The following AUH variants were observed in gnomAD, a reference collection of about 807,000 sequenced individuals.
The protein encoded by AUH is methylglutaconyl-CoA hydratase, mitochondrial.
AUH carries 29 observed loss-of-function variants against 42.3 expected under a neutral mutation model. The observed-to-expected ratio is 0.69, with a 90% CI of 0.51 to 0.93. The LOEUF is 0.93. Among genes scored for constraint, AUH ranks in the 40% least tolerant of loss-of-function variants. AUH has a pLI of 0.00. For missense variants in AUH, 452 were observed against 438.1 expected, an observed-to-expected ratio of 1.03 and a Z score of -0.28; for synonymous variants, 174 against 166.4, an observed-to-expected ratio of 1.05 and a Z score of -0.35.
At chr9:91,360,953 T>G (rs765445671) in intron 1 of AUH, among the ~76,000 whole-genome samples, 29 of 152,196 alleles carry the variant, frequency 1.9e-4, no homozygotes, top group Non-Finnish European at 3.4e-4. Flanking sequence ...CAGTATTCCC[T>G]AGGATTGTCA....
chr9:91,325,465 T>C (rs1410887526), intron 3 of AUH, 61 bp from the exon 4 acceptor site: 37 of 1,424,746 alleles, frequency 2.6e-5, no homozygotes, highest in Middle Eastern at 1.9e-4. Flanking sequence ...AGGCAAAGAA[T>C]TGAAAATTTA....
chr9:91,278,654 T>C (rs1192132076), intron 6 of AUH, among the ~76,000 whole-genome samples: 2 of 152,206 alleles, frequency 1.3e-5, no homozygotes. Context: ...TTCACAAAAA[T>C]AATGCAACTG....
chr9:91,249,188 T>C (rs1430365637), intron 6 of AUH, among the ~76,000 whole-genome samples: 1 of 149,862 alleles, frequency 6.7e-6, no homozygotes, highest in Non-Finnish European at 1.5e-5. Context: ...TCCCAGCTAC[T>C]TGGGGGGCTA....
In AUH at chr9:91,221,144, A is replaced by T. The variant is rs1424385088; in HGVS notation, c.656-152T>A. ...GGAAAACTACTTCAGAACAGAATCTAATTTCTTAATTCCCCTATAAAACTA... is the reference window on the plus strand; with the variant it reads ...GGAAAACTACTTCAGAACAGAATCTTATTTCTTAATTCCCCTATAAAACTA... On this transcript the variant is annotated intron_variant, in intron 6 of 9. Transcript: ENST00000375731. 6.0e-6 allele frequency: 5 copies of T among 837,496 alleles called. No individual in the cohort carries two copies. The African/African-American group carries it at 8.6e-5, about 14-fold the overall frequency. 51.9% of individuals were successfully genotyped at this position (837,496 alleles called of 1,614,324 possible). A position where few individuals can be genotyped will look rare whatever the true frequency, so the allele number is the denominator to read the frequency against.
chr9:91,236,626 C>T (rs936218088), intron 6 of AUH, among the ~76,000 whole-genome samples: 1 of 152,108 alleles, frequency 6.6e-6, no homozygotes, highest in African/African-American at 2.4e-5. Context: ...GGCAGGAAAT[C>T]GAGATTCAGA....
intron 6 of AUH, among the ~76,000 whole-genome samples, chr9:91,285,507 G>C (rs1826330703): frequency 6.6e-6 from 1 of 151,690 alleles, no homozygotes; most frequent in South Asian, 2.1e-4. Context: ...CTGTTTTTCT[G>C]AACTCATTGA....
intron 4 of AUH, among the ~76,000 whole-genome samples, chr9:91,324,327 C>T (rs1829808272): frequency 6.6e-6 from 1 of 151,602 alleles, no homozygotes; most frequent in African/African-American, 2.4e-5. Context: ...CACAGTGAGA[C>T]CCCCATCTCT....
intron 6 of AUH, among the ~76,000 whole-genome samples, chr9:91,254,990 G>A (rs1829332490): frequency 6.6e-6 from 1 of 152,120 alleles, no homozygotes; most frequent in South Asian, 2.1e-4. Flanking sequence ...AACTGAATCT[G>A]GAATTTATAG....
At chr9:91,256,268 A>G (rs576430288) in intron 6 of AUH, among the ~76,000 whole-genome samples, 1 of 152,288 alleles carries the variant, frequency 6.6e-6, no homozygotes, top group East Asian at 1.9e-4. Context: ...CATTAACAAG[A>G]TTATTCTGAA....
At position 91,236,907 on chromosome 9, in the gene AUH, T is replaced by C. The variant is rs977187759; in HGVS notation, c.656-15915A>G. On this transcript the variant is annotated intron_variant, in intron 6 of 9. Coordinates refer to ENST00000375731, the MANE Select transcript of AUH (RefSeq NM_001698.3). ...TAGCCCACCCAAAAGCTCCAATCAATTTCCCCACAAATCGATAAAATGGCA... is the reference window on the plus strand; with the variant it reads ...TAGCCCACCCAAAAGCTCCAATCAACTTCCCCACAAATCGATAAAATGGCA... 3.9e-5 allele frequency among the ~76,000 whole-genome samples: 6 copies of C among 152,142 alleles called. No homozygotes were observed. In the South Asian group the frequency reaches 1.0e-3, roughly 26 times the overall value.
intron 3 of AUH, among the ~76,000 whole-genome samples, chr9:91,335,202 C>G (rs943899211): frequency 6.6e-6 from 1 of 152,176 alleles, no homozygotes; most frequent in African/African-American, 2.4e-5. Context: ...CATTGTGGCC[C>G]GGTGCTTTCT....
chr9:91,341,148 C>T (rs1486666332), intron 3 of AUH, among the ~76,000 whole-genome samples: 1 of 152,210 alleles, frequency 6.6e-6, no homozygotes, highest in Non-Finnish European at 1.5e-5. Flanking sequence ...GAATTCCACT[C>T]CCCTGGCCTC....
chr9:91,250,013 G>GA (rs200013936), intron 6 of AUH, among the ~76,000 whole-genome samples: 35,675 of 126,106 alleles, frequency 0.28, 4,928 homozygotes, highest in African/African-American at 0.42. Flanking sequence ...TCCGTCTCAA[G>GA]AAAAAAAAAA....
intron 4 of AUH, among the ~76,000 whole-genome samples, chr9:91,319,718 T>C (rs1490667107): frequency 6.6e-6 from 1 of 152,206 alleles, no homozygotes; most frequent in Non-Finnish European, 1.5e-5. Flanking sequence ...ACACTGCACG[T>C]GCAGCCCCTC....
chr9:91,306,960 T>C lies in AUH; in HGVS notation c.506-8884A>G, dbSNP rs569927924. 1.5e-4 allele frequency among the ~76,000 whole-genome samples: 23 copies of C among 152,246 alleles called. No individual in the cohort carries two copies. The East Asian group carries it at 2.9e-3, about 19-fold the overall frequency. On this transcript the variant is annotated intron_variant, in intron 4 of 9. Coordinates refer to ENST00000375731, the MANE Select transcript of AUH (RefSeq NM_001698.3). ...ATACTACTCATCAATAAAAAAGAAC[T>C]ATTGATCAAAAAAAAGCGAATACAT...
chr9:91,348,706 C>A (rs929986018), intron 3 of AUH, among the ~76,000 whole-genome samples: 1 of 152,114 alleles, frequency 6.6e-6, no homozygotes, highest in African/African-American at 2.4e-5. Context: ...AGATGCTAAA[C>A]TAGGAGCAGC....
At chr9:91,228,389 C>A (rs369460534) in intron 6 of AUH, among the ~76,000 whole-genome samples, 4 of 149,134 alleles carry the variant, frequency 2.7e-5, no homozygotes, top group Admixed American at 2.0e-4. Context: ...TCTGTGGGAT[C>A]GGTGGTGATA....
chr9:91,287,806 A>G (rs1826535265), intron 6 of AUH, among the ~76,000 whole-genome samples: 1 of 152,110 alleles, frequency 6.6e-6, no homozygotes, highest in Non-Finnish European at 1.5e-5. Context: ...ATATTACTAA[A>G]TTCCTGTTAA....
intron 6 of AUH, among the ~76,000 whole-genome samples, chr9:91,271,957 C>T (rs1052236597): frequency 6.6e-6 from 1 of 152,222 alleles, no homozygotes; most frequent in African/African-American, 2.4e-5. Flanking sequence ...GCTGGGATTA[C>T]AGGCATGAGC....
Sources: gnomAD v4.1 joint callset for allele counts (sites outside exome capture counted in the v4.1 genomes callset) on GRCh38, gnomAD v4.1.1 for gene constraint, MANE v1.5 for transcripts, NCBI Gene and HGNC (gene_info 2026-07-23, HGNC 2026-07-21) for gene names.